The following MSANTD1 variants were observed in gnomAD, a reference collection of about 807,000 sequenced individuals.
MSANTD1 encodes Myb/SANT DNA binding domain containing 1.
A neutral mutation model predicts 24.2 loss-of-function variants in MSANTD1; 7 were observed. The ratio of observed to expected loss-of-function variants is 0.29; its 90% CI spans 0.16 to 0.54. The LOEUF (loss-of-function observed/expected upper bound fraction) is 0.54. Ranked by LOEUF, MSANTD1 falls within the 20% of genes least tolerant of loss-of-function variation. MSANTD1 has a pLI of 0.94. For synonymous variants in MSANTD1, 177 were observed against 181.1 expected, an observed-to-expected ratio of 0.98 and a Z score of 0.18; for missense variants, 384 against 408.2, an observed-to-expected ratio of 0.94 and a Z score of 0.51.
intron 1 of MSANTD1, among the ~76,000 whole-genome samples, chr4:3,251,934 G>A (rs1485827580): frequency 6.6e-6 from 1 of 152,192 alleles, no homozygotes; most frequent in African/African-American, 2.4e-5. Flanking sequence ...GCTCTGTGCT[G>A]GTGTCTTCAC....
chr4:3,255,012 G>A (rs1427878350), intron 2 of MSANTD1, among the ~76,000 whole-genome samples: 1 of 152,104 alleles, frequency 6.6e-6, no homozygotes, highest in African/African-American at 2.4e-5. Flanking sequence ...CTCTCCCTGG[G>A]GGTGGTCTCT....
Position 3,253,606 on chromosome 4 carries a change from G to A in MSANTD1, c.596+124G>A. On this transcript the variant is annotated intron_variant, in intron 2 of 2. Coordinates refer to ENST00000438480, the MANE Select transcript of MSANTD1 (RefSeq NM_001042690.2). The stretch of plus-strand genomic sequence containing the variant: ...AGTGGTTGCAGAGGCCGTGGCTGCG[G>A]GCAGCGCCTCCAGGGACAGGCGGCC... The A allele has an allele frequency of 3.8e-6, 4 of 1,052,778 alleles. No homozygotes were observed. The South Asian group carries it at 7.1e-5, about 19-fold the overall frequency. The allele number at this position is 1,052,778 out of a possible 1,614,324, so 65.2% of individuals were successfully genotyped here.
chr4:3,252,111 G>C (rs1402409205), intron 1 of MSANTD1, among the ~76,000 whole-genome samples: 1 of 152,266 alleles, frequency 6.6e-6, no homozygotes, highest in African/African-American at 2.4e-5. Context: ...GCACAGGTTG[G>C]GTTTGGAGCC....
intron 1 of MSANTD1, among the ~76,000 whole-genome samples, chr4:3,250,816 C>A (rs1440751431): frequency 1.3e-5 from 2 of 152,200 alleles, no homozygotes; most frequent in Non-Finnish European, 2.9e-5. Context: ...ACCCCCACTG[C>A]CCCCCTCAGG....
In MSANTD1 at chr4:3,253,439, G is replaced by C; in HGVS notation, c.553G>C (p.Asp185His). ...CTCCTACGAAGGCCGCTTCGAGGAT[G>C]ATCGCTCCGACAGCTCCTCCAGCTT... The part of the protein sequence containing the change: ...QCSYEGRFED[D>H]RSDSSSSLLS... The change falls in exon 2 of 3, where the codon GAT becomes CAT. Residue 185 changes from aspartate (D) to histidine (H), a missense_variant. Asp to His is a moderately conservative substitution (Grantham distance 81). Transcript: ENST00000438480. 6.3e-7 allele frequency: 1 copy of C among 1,582,038 alleles called. No homozygotes were observed. The highest frequency in any genetic ancestry group is 8.6e-7 in the Non-Finnish European group (1 of 1,160,902).
At chr4:3,250,696 G>A (rs1313597549) in intron 1 of MSANTD1, among the ~76,000 whole-genome samples, 1 of 152,178 alleles carries the variant, frequency 6.6e-6, no homozygotes. Context: ...CGGAGAGCCT[G>A]TCAGCTTCCA....
chr4:3,249,574 G>A lies in MSANTD1; in HGVS notation c.320+32G>A, dbSNP rs867977139. The stretch of plus-strand genomic sequence containing the variant: ...GAGCGGGCAGTGTGGGCCCCACCAG[G>A]ACGGGCGGGCCCGGGCGTGGCGGGC... On this transcript the variant is annotated intron_variant, in intron 1 of 2. Coordinates refer to ENST00000438480, the MANE Select transcript of MSANTD1 (RefSeq NM_001042690.2). 7 of 1,578,144 alleles carry A rather than the reference G, an allele frequency of 4.4e-6. No homozygotes were observed. The Middle Eastern group carries it at 1.0e-3, about 226-fold the overall frequency.
upstream of MSANTD1, chr4:3,246,482 G>A (rs1722031626): frequency 9.9e-6 from 5 of 505,024 alleles, no homozygotes; most frequent in East Asian, 1.7e-4. Context: ...AAGGGATGGA[G>A]GCCTAGGGAG....
upstream of MSANTD1, among the ~76,000 whole-genome samples, chr4:3,245,692 T>C (rs1722002330): frequency 6.6e-6 from 1 of 152,162 alleles, no homozygotes; most frequent in Non-Finnish European, 1.5e-5. Flanking sequence ...CATGTGGACA[T>C]CGCTTGCGGG....
intron 1 of MSANTD1, among the ~76,000 whole-genome samples, chr4:3,251,134 C>T (rs1722216010): frequency 6.6e-6 from 1 of 152,204 alleles, no homozygotes; most frequent in Non-Finnish European, 1.5e-5. Context: ...GTTCGGTGGA[C>T]ACAGGCAGCT....
upstream of MSANTD1, chr4:3,246,796 C>T: frequency 1.7e-6 from 1 of 582,932 alleles, no homozygotes; most frequent in Non-Finnish European, 3.1e-6. Flanking sequence ...AGTGTGAGGG[C>T]TCTGCCTCGG....
chr4:3,255,703 A>G (rs369094502), intron 2 of MSANTD1, 22 bp from the exon 3 acceptor site: 54 of 1,509,472 alleles, frequency 3.6e-5, no homozygotes, highest in Middle Eastern at 2.3e-4. Context: ...CAGCACGTCC[A>G]CAGCCGGCAC....
chr4:3,249,390 G>T lies in MSANTD1; in HGVS notation c.168G>T (p.Leu56=). ...ACGCCGAGATGCGCGGCCTCATGCTGGTCTGGGAGGAGTTCTTCGACGAGC... is the reference window on the plus strand; with the variant it reads ...ACGCCGAGATGCGCGGCCTCATGCTTGTCTGGGAGGAGTTCTTCGACGAGC... ...WTDAEMRGLM[L]VWEEFFDELK... Residue 56 remains leucine, a synonymous_variant, in exon 1 of 3, where the codon CTG becomes CTT. Transcript: ENST00000438480. 2 of 1,591,436 alleles carry T rather than the reference G, an allele frequency of 1.3e-6. No individual in the cohort carries two copies. The highest frequency in any genetic ancestry group is 2.3e-5 in the East Asian group (1 of 44,076).
chr4:3,251,695 T>TTC (rs940108136), intron 1 of MSANTD1, among the ~76,000 whole-genome samples: 1 of 140,508 alleles, frequency 7.1e-6, no homozygotes, highest in Non-Finnish European at 1.5e-5. Context: ...TTCTTTTTCT[T>TTC]TTTTTTTTTT....
chr4:3,246,112 CA>C (rs1338409609), upstream of MSANTD1, among the ~76,000 whole-genome samples: 2 of 152,194 alleles, frequency 1.3e-5, no homozygotes, highest in African/African-American at 4.8e-5. Flanking sequence ...CAGTGTTGGC[CA>C]CATCCTTCCC....
chr4:3,249,486 G>A lies in MSANTD1; in HGVS notation c.264G>A (p.Glu88=). The A allele has an allele frequency of 6.2e-7, 1 of 1,612,166 alleles. No homozygotes were observed. The highest frequency in any genetic ancestry group is 8.5e-7 in the Non-Finnish European group (1 of 1,179,712). The change falls in exon 1 of 3, where the codon GAG becomes GAA. Residue 88 remains glutamate (E), a synonymous_variant. Transcript: ENST00000438480. ...MASKLFEMTG[E]RRLGEEIKIK... ...GCAAGCTCTTCGAGATGACCGGCGA[G>A]CGCAGGCTGGGCGAGGAGATCAAGA... is the stretch of plus-strand genomic sequence containing the variant.
intron 1 of MSANTD1, 53 bp downstream of exon 1, chr4:3,249,595 C>T (rs994953386): frequency 6.6e-6 from 10 of 1,503,846 alleles, no homozygotes; most frequent in South Asian, 2.5e-5. Context: ...CCGGGCGTGG[C>T]GGGCCGCTCC....
chr4:3,253,042 G>A (rs1300583719), intron 1 of MSANTD1, among the ~76,000 whole-genome samples, 165 bp from the exon 2 acceptor site: 1 of 152,216 alleles, frequency 6.6e-6, no homozygotes, highest in African/African-American at 2.4e-5. Context: ...TAAGTCCATT[G>A]TCATCTTGAC....
chr4:3,245,946 C>T (rs1722014562), upstream of MSANTD1, among the ~76,000 whole-genome samples: 1 of 152,200 alleles, frequency 6.6e-6, no homozygotes, highest in African/African-American at 2.4e-5. Flanking sequence ...AGTTGTGGGT[C>T]TGGGTTCCCC....
Sources: allele counts gnomAD v4.1 joint callset (sites outside exome capture counted in the v4.1 genomes callset), GRCh38; gene constraint gnomAD v4.1.1; transcripts MANE v1.5; gene names NCBI Gene and HGNC (gene_info 2026-07-23, HGNC 2026-07-21).